Variants in AKAP6 observed in about 807,000 individuals in gnomAD.
AKAP6 encodes A-kinase anchor protein 6.
Under a neutral mutation model 188.5 loss-of-function variants are expected in AKAP6, and 58 were observed. The observed-to-expected ratio is 0.31, with a 90% CI of 0.25 to 0.38. The LOEUF is 0.38. Ranked by LOEUF, AKAP6 falls within the 10% of genes least tolerant of loss-of-function variation. The pLI, the probability that AKAP6 is intolerant of heterozygous loss-of-function variation, is 1.00. For missense variants in AKAP6, 2,710 were observed against 2,740.0 expected (o/e 0.99, Z 0.24); for synonymous variants, 989 against 998.6 (o/e 0.99, Z 0.18).
In AKAP6 at chr14:32,821,456, G is replaced by A. The variant is rs905222995; in HGVS notation, c.3643G>A (p.Asp1215Asn). The change falls in exon 13 of 14, where the codon GAT (aspartate) becomes AAT (asparagine). Residue 1215 changes from aspartate (D) to asparagine (N), a missense_variant. Around this residue, in one of 2 missense-constraint regions of AKAP6, gnomAD observed 2,473 missense variants for 2,426.1 expected, o/e 1.02. Coordinates refer to ENST00000280979, the MANE Select transcript of AKAP6 (RefSeq NM_004274.5). ...GATGGACCTAAATGGGATGAGTGAGGATGCCCTGGAATGGGATGAAATGGA... is the reference window on the plus strand; with the variant it reads ...GATGGACCTAAATGGGATGAGTGAGAATGCCCTGGAATGGGATGAAATGGA... ...GLMDLNGMSEDALEWDEMDIS... is the reference protein window; with the variant it reads ...GLMDLNGMSENALEWDEMDIS... The A allele has an allele frequency of 6.2e-7, 1 of 1,613,464 alleles. No individual in the cohort carries two copies. The highest frequency in any genetic ancestry group is 8.5e-7 in the Non-Finnish European group (1 of 1,179,680).
Position 32,696,189 on chromosome 14 carries a change from T to A in AKAP6, c.3000+79T>A, listed in dbSNP as rs1200633648. 3 of 1,504,492 alleles carry A rather than the reference T, an allele frequency of 2.0e-6. No individual in the cohort carries two copies. The African/African-American group carries it at 4.3e-5, about 21-fold the overall frequency. The allele number at this position is 1,504,492 out of a possible 1,614,324, so 93.2% of individuals were successfully genotyped here. A position where few individuals can be genotyped will look rare whatever the true frequency, so the allele number is the denominator to read the frequency against. ...ACAAGTCTCTCTCTCTCTCTCAGGA[T>A]ATCTTTTCGTTCATTGTATGTATCA... is the stretch of plus-strand genomic sequence containing the variant. On this transcript the variant is annotated intron_variant, in intron 9 of 13. Transcript: ENST00000280979.
At chr14:32,726,654 C>T (rs1424985009) in intron 9 of AKAP6, among the ~76,000 whole-genome samples, 1 of 152,242 alleles carries the variant, frequency 6.6e-6, no homozygotes, top group African/African-American at 2.4e-5. Context: ...TGTGAAAGCA[C>T]TACAATGCCT....
At chr14:32,775,908 C>T (rs17441370) in intron 12 of AKAP6, among the ~76,000 whole-genome samples, 3,568 of 152,198 alleles carry the variant, frequency 0.023, 62 homozygotes, top group South Asian at 0.047. Context: ...CAAATAAGGT[C>T]CTCTGTGCTG....
chr14:32,617,679 G>T (rs1315929076), intron 7 of AKAP6, among the ~76,000 whole-genome samples: 1 of 152,192 alleles, frequency 6.6e-6, no homozygotes, highest in Non-Finnish European at 1.5e-5. Flanking sequence ...AGGCTGTAGT[G>T]CAGTGGCACA....
chr14:32,425,584 A>G (rs747036117), intron 1 of AKAP6, among the ~76,000 whole-genome samples: 22 of 152,012 alleles, frequency 1.4e-4, no homozygotes, highest in Admixed American at 1.1e-3. Context: ...GGAAAGAAAG[A>G]AAGAGAGAAA....
intron 1 of AKAP6, among the ~76,000 whole-genome samples, chr14:32,366,728 G>A (rs984300974): frequency 3.9e-5 from 6 of 152,040 alleles, no homozygotes; most frequent in African/African-American, 9.7e-5. Flanking sequence ...GTGTATTGGG[G>A]AGTAGTGGTG....
intron 12 of AKAP6, among the ~76,000 whole-genome samples, chr14:32,782,201 G>A (rs1201210878): frequency 6.7e-6 from 1 of 149,586 alleles, no homozygotes. Context: ...GAGGGAGGGA[G>A]GGAGGGAGGA....
chr14:32,773,778 CA>C lies in AKAP6; in HGVS notation c.3474del (p.Asp1159ThrfsTer7). The C allele has an allele frequency of 6.2e-7, 1 of 1,614,126 alleles. No homozygotes were observed. On this transcript the variant is annotated frameshift_variant, in exon 12 of 14. Coordinates refer to ENST00000280979, the MANE Select transcript of AKAP6 (RefSeq NM_004274.5). LOFTEE classifies it high-confidence loss of function. ...GACCGGGAGACTTGCAATCTGAATG[CA>C]GACCACCAGCCCATGCAGCTGATCA... ...LDDRETCNLN[A>X]DHQPMQLIIV...
At chr14:32,595,786 A>T (rs2139334692) in intron 5 of AKAP6, among the ~76,000 whole-genome samples, 1 of 152,098 alleles carries the variant, frequency 6.6e-6, no homozygotes. Context: ...AGGCCCGACC[A>T]CTCTGTGTTA....
rs543520999 is a variant in AKAP6, at chr14:32,583,884, C to T, written c.2469+6642C>T. 2.0e-5 allele frequency among the ~76,000 whole-genome samples: 3 copies of T among 152,322 alleles called. No homozygotes were observed. In the South Asian group the frequency reaches 6.2e-4, roughly 32 times the overall value. On this transcript the variant is annotated intron_variant, in intron 5 of 13. Transcript: ENST00000280979. ...ATTTTCCAGGTGCCATCTGTCACTCCTTTCTTTGACTAGGAAAGGGAACTC... is the reference window on the plus strand; with the variant it reads ...ATTTTCCAGGTGCCATCTGTCACTCTTTTCTTTGACTAGGAAAGGGAACTC...
chr14:32,590,421 G>T (rs999542169), intron 5 of AKAP6, among the ~76,000 whole-genome samples: 1 of 152,054 alleles, frequency 6.6e-6, no homozygotes, highest in Non-Finnish European at 1.5e-5. Context: ...AGCCTGAGTG[G>T]CTGGGCAAGA....
chr14:32,463,133 C>T (rs1891409658), intron 2 of AKAP6, among the ~76,000 whole-genome samples: 1 of 152,048 alleles, frequency 6.6e-6, no homozygotes, highest in African/African-American at 2.4e-5. Context: ...GAGACTTAGA[C>T]TCCCACACAG....
chr14:32,402,563 G>A (rs1207483275), intron 1 of AKAP6, among the ~76,000 whole-genome samples: 1 of 152,058 alleles, frequency 6.6e-6, no homozygotes, highest in Non-Finnish European at 1.5e-5. Flanking sequence ...TTTCTTTTGA[G>A]TGCCTGGAGA....
At chr14:32,549,849 G>A (rs1212687879) in intron 4 of AKAP6, among the ~76,000 whole-genome samples, 1 of 152,206 alleles carries the variant, frequency 6.6e-6, no homozygotes. Context: ...CTGGTCTCTA[G>A]TAGTCTTTCC....
At chr14:32,603,474 T>G (rs1886014258) in intron 7 of AKAP6, among the ~76,000 whole-genome samples, 1 of 152,142 alleles carries the variant, frequency 6.6e-6, no homozygotes, top group South Asian at 2.1e-4. Context: ...GAAAGTATTA[T>G]CAGAGGAGAA....
chr14:32,766,941 C>G (rs981971582), intron 11 of AKAP6, among the ~76,000 whole-genome samples: 1 of 152,008 alleles, frequency 6.6e-6, no homozygotes, highest in Non-Finnish European at 1.5e-5. Context: ...ATAGTTTTAG[C>G]TCTTACAATT....
intron 11 of AKAP6, among the ~76,000 whole-genome samples, chr14:32,754,455 G>A (rs879484088): frequency 3.9e-5 from 6 of 151,984 alleles, no homozygotes; most frequent in Admixed American, 2.0e-4. Flanking sequence ...AATGTAAAAT[G>A]TATTCATTAC....
intron 12 of AKAP6, among the ~76,000 whole-genome samples, chr14:32,794,858 A>G (rs1169364383): frequency 1.3e-5 from 2 of 151,242 alleles, no homozygotes; most frequent in Non-Finnish European, 3.0e-5. Context: ...TCCAAGAGCT[A>G]TTTTTTTTTA....
At chr14:32,701,095 G>A (rs962226341) in intron 9 of AKAP6, among the ~76,000 whole-genome samples, 3 of 151,948 alleles carry the variant, frequency 2.0e-5, no homozygotes, top group African/African-American at 7.2e-5. Flanking sequence ...AAAAGGAAAA[G>A]GACCATTCAT....
Sources: gnomAD v4.1 joint callset for allele counts (sites outside exome capture counted in the v4.1 genomes callset) on GRCh38, gnomAD v4.1.1 for gene constraint, gnomAD v4.1.1 regional missense constraint, MANE v1.5 for transcripts, NCBI Gene and HGNC (gene_info 2026-07-23, HGNC 2026-07-21) for gene names.